PTPN13: variants seen among roughly 807,000 people sequenced by gnomAD.
The protein encoded by PTPN13 is tyrosine-protein phosphatase non-receptor type 13.
A neutral mutation model predicts 284.0 loss-of-function variants in PTPN13; 191 were observed. The ratio of observed to expected loss-of-function variants is 0.67; its 90% CI spans 0.60 to 0.76. The LOEUF is 0.76. PTPN13 is among the 30% of genes least tolerant of loss of function. PTPN13 has a pLI of 0.00. For missense variants in PTPN13, 2,797 were observed against 2,939.9 expected (o/e 0.95, Z 1.12); for synonymous variants, 986 against 1,022.3 (o/e 0.96, Z 0.68).
intron 40 of PTPN13, among the ~76,000 whole-genome samples, chr4:86,794,573 A>G (rs189259799): frequency 1.3e-5 from 2 of 152,360 alleles, no homozygotes; most frequent in Non-Finnish European, 2.9e-5. Context: ...GAACCCAAAA[A>G]GAGTCCACAT....
At chr4:86,803,265 T>C (rs1744250631) in intron 42 of PTPN13, among the ~76,000 whole-genome samples, 2 of 150,478 alleles carry the variant, frequency 1.3e-5, no homozygotes, top group African/African-American at 4.9e-5. Flanking sequence ...CACACACACA[T>C]ATATAAATAT....
chr4:86,732,932 T>C (rs542614221), intron 12 of PTPN13, among the ~76,000 whole-genome samples, 166 bp downstream of exon 12: 26 of 152,282 alleles, frequency 1.7e-4, no homozygotes, highest in African/African-American at 6.3e-4. Flanking sequence ...ACTTTCATTG[T>C]TTTAATAGTT....
At chr4:86,739,167 G>A (rs1491003343) in intron 15 of PTPN13, among the ~76,000 whole-genome samples, 3 of 152,144 alleles carry the variant, frequency 2.0e-5, no homozygotes, top group Non-Finnish European at 4.4e-5. Context: ...TAAATTTCAT[G>A]TGTAGGGTGA....
At chr4:86,652,025 T>A (rs1337139043) in intron 2 of PTPN13, among the ~76,000 whole-genome samples, 3 of 152,298 alleles carry the variant, frequency 2.0e-5, no homozygotes, top group Non-Finnish European at 1.5e-5. Context: ...GAGGCTTCAG[T>A]GCACTATGAT....
Position 86,784,468 on chromosome 4 carries a change from G to T in PTPN13, c.6028G>T (p.Ala2010Ser). 6.2e-7 allele frequency: 1 copy of T among 1,601,810 alleles called. No homozygotes were observed. Among genetic ancestry groups the T allele is most frequent in the Non-Finnish European group, 8.5e-7 (1 of 1,174,734 alleles). ...LTPNDSFSTV[A>S]GEEINEISYP... ...TTGCTTTGGTTTTATGCTTTAGGTT[G>T]CTGGGGAAGAAATAAATGAAATATC... Residue 2010 changes from alanine (A) to serine (S), a missense_variant, in exon 38 of 48, where the codon GCT becomes TCT. Physicochemically the swap from Ala to Ser is moderately conservative, Grantham distance 99. Coordinates refer to ENST00000411767, the MANE Select transcript of PTPN13 (RefSeq NM_080683.3).
intron 7 of PTPN13, among the ~76,000 whole-genome samples, chr4:86,707,289 A>G (rs760294628): frequency 2.0e-5 from 3 of 152,226 alleles, no homozygotes; most frequent in Non-Finnish European, 2.9e-5. Flanking sequence ...GTTAAGTGTT[A>G]TTTGTTTAAT....
At chr4:86,627,328 A>G (rs902962053) in intron 1 of PTPN13, among the ~76,000 whole-genome samples, 1 of 152,108 alleles carries the variant, frequency 6.6e-6, no homozygotes, top group Non-Finnish European at 1.5e-5. Context: ...TTTTTACCAC[A>G]ATAAAAAAAA....
At chr4:86,674,651 A>G (rs1728079808) in intron 3 of PTPN13, among the ~76,000 whole-genome samples, 1 of 152,214 alleles carries the variant, frequency 6.6e-6, no homozygotes, top group Non-Finnish European at 1.5e-5. Flanking sequence ...GAAAGGAGAT[A>G]GTAGTTATAA....
Position 86,722,385 on chromosome 4 carries a change from C to A in PTPN13, c.1559C>A (p.Pro520Gln). ...TCCATGCTTGACATCACCAGGGATC[C>A]GTTAAGAGAAATTGCCCTAGAAACA... The part of the protein sequence containing the change: ...KASMLDITRD[P>Q]LREIALETAM... Residue 520 changes from proline to glutamine, a missense_variant, in exon 10 of 48, where the codon CCG becomes CAG. Transcript: ENST00000411767. 1.9e-6 allele frequency: 3 copies of A among 1,613,606 alleles called. No homozygotes were observed. The highest frequency in any genetic ancestry group is 2.5e-6 in the Non-Finnish European group (3 of 1,179,752).
At chr4:86,711,752 G>A (rs1732449901) in intron 7 of PTPN13, among the ~76,000 whole-genome samples, 1 of 152,146 alleles carries the variant, frequency 6.6e-6, no homozygotes, top group South Asian at 2.1e-4. Flanking sequence ...ATTAGATATT[G>A]AGAACTAATT....
At position 86,785,124 on chromosome 4, in the gene PTPN13, G is replaced by A. The variant is rs1741744700; in HGVS notation, c.6119-107G>A. The A allele has an allele frequency of 2.2e-5, 17 of 778,584 alleles. No individual in the cohort carries two copies. In the South Asian group the frequency reaches 4.2e-4, roughly 19 times the overall value. The allele number at this position is 778,584 out of a possible 1,614,324, so 48.2% of individuals were successfully genotyped here. On this transcript the variant is annotated intron_variant, in intron 38 of 47. Coordinates refer to ENST00000411767, the MANE Select transcript of PTPN13 (RefSeq NM_080683.3). Reference sequence around the variant, plus strand: ...TCCAGTCATTGCTACTTTTAAAATTGGTTGCTTAAAATTTGAAAGCACCTA... The same window carrying A: ...TCCAGTCATTGCTACTTTTAAAATTAGTTGCTTAAAATTTGAAAGCACCTA...
intron 1 of PTPN13, among the ~76,000 whole-genome samples, chr4:86,619,470 A>C (rs925643829): frequency 6.6e-6 from 1 of 152,210 alleles, no homozygotes; most frequent in Non-Finnish European, 1.5e-5. Context: ...TCTAATTTTT[A>C]TATCTAAGCA....
intron 2 of PTPN13, among the ~76,000 whole-genome samples, chr4:86,660,512 T>G (rs1171520596): frequency 6.6e-6 from 1 of 152,108 alleles, no homozygotes; most frequent in Non-Finnish European, 1.5e-5. Context: ...TTCTAACTAG[T>G]GCCTTAATTA....
At chr4:86,634,826 C>A (rs1165796954) in intron 1 of PTPN13, among the ~76,000 whole-genome samples, 1 of 152,162 alleles carries the variant, frequency 6.6e-6, no homozygotes. Flanking sequence ...CTTCCCCTAC[C>A]ATGGCTGTAG....
rs746457370 is a variant in PTPN13, at chr4:86,689,198, A to T, written c.546+8A>T. The T allele has an allele frequency of 6.2e-7, 1 of 1,605,640 alleles. No homozygotes were observed. Among genetic ancestry groups the T allele is most frequent in the South Asian group, 1.1e-5 (1 of 90,812 alleles). On this transcript the variant is annotated splice_region_variant and intron_variant, in intron 5 of 47. Coordinates refer to ENST00000411767, the MANE Select transcript of PTPN13 (RefSeq NM_080683.3). The stretch of plus-strand genomic sequence containing the variant: ...CTGGGAAATCTTTCTGGGGTAAGCT[A>T]CAGTTACAATAGTAAATATAGTCAT...
In PTPN13 at chr4:86,686,834, A is replaced by G; in HGVS notation, c.360+59A>G. The G allele has an allele frequency of 5.2e-6, 6 of 1,163,612 alleles. 1 individual carries two copies. The highest frequency in any genetic ancestry group is 2.4e-4 in the Middle Eastern group (1 of 4,146). The allele number at this position is 1,163,612 out of a possible 1,614,324, so 72.1% of individuals were successfully genotyped here. ...ACATATGTTCAATTTTACACCTTAT[A>G]TCATAGCTCTTCCACACGTTTATAC... On this transcript the variant is annotated intron_variant, in intron 4 of 47. Coordinates refer to ENST00000411767, the MANE Select transcript of PTPN13 (RefSeq NM_080683.3).
chr4:86,729,010 T>C (rs1208100121), intron 10 of PTPN13, among the ~76,000 whole-genome samples: 3 of 149,208 alleles, frequency 2.0e-5, no homozygotes, highest in East Asian at 3.9e-4. Context: ...TAGTGCTTCC[T>C]TCAGGAATTT....
intron 35 of PTPN13, 139 bp downstream of exon 35, chr4:86,775,791 A>G (rs1565550158): frequency 1.4e-6 from 1 of 706,176 alleles, no homozygotes; most frequent in East Asian, 2.7e-5. Flanking sequence ...AATTTAAAAC[A>G]GACTTCTTGA....
rs550749818 is a variant in PTPN13, at chr4:86,736,142, A to T, written c.2304+396A>T. 2.6e-5 allele frequency among the ~76,000 whole-genome samples: 4 copies of T among 152,298 alleles called. No individual in the cohort carries two copies. In the South Asian group the frequency reaches 8.3e-4, roughly 32 times the overall value. On this transcript the variant is annotated intron_variant, in intron 15 of 47. Coordinates refer to ENST00000411767, the MANE Select transcript of PTPN13 (RefSeq NM_080683.3). ...GTTTTGCTTTTTCTCAAAAGGCTTAAAATTCAATTACATCCTTTAAAAATG... is the reference window on the plus strand; with the variant it reads ...GTTTTGCTTTTTCTCAAAAGGCTTATAATTCAATTACATCCTTTAAAAATG...
Sources: gnomAD v4.1 joint callset for allele counts (sites outside exome capture counted in the v4.1 genomes callset) on GRCh38, gnomAD v4.1.1 for gene constraint, MANE v1.5 for transcripts, NCBI Gene and HGNC (gene_info 2026-07-23, HGNC 2026-07-21) for gene names.